The following CADM1 variants were observed in gnomAD, a reference collection of about 807,000 sequenced individuals.
CADM1 encodes the protein TSLC-1.
CADM1 carries 15 observed loss-of-function variants against 53.1 expected under a neutral mutation model. That is an observed-to-expected ratio of 0.28 (90% confidence interval 0.19 to 0.44). CADM1 has a LOEUF of 0.44. CADM1 is among the 20% of genes least tolerant of loss of function. The probability of loss-of-function intolerance (pLI) is 1.00; values close to 1 mark genes in which losing one functional copy is unlikely to be tolerated. For missense variants in CADM1, 434 were observed against 611.3 expected (o/e 0.71, Z 3.06); for synonymous variants, 281 against 243.0 (o/e 1.16, Z -1.45).
rs1218019274 is a variant in CADM1 at position 115,212,963 on chromosome 11, C to T, written c.994+1645G>A. ...ATTCAAATATATCTGTCCATCAAAC[C>T]CACAAAATGTTTCTTCTCTTGAAAT... On this transcript the variant is annotated intron_variant, in intron 7 of 11. Coordinates refer to ENST00000331581, the MANE Select transcript of CADM1 (RefSeq NM_001301043.2). Among the ~76,000 whole-genome samples the T allele has an allele frequency of 2.0e-5, 3 of 152,182 alleles. No homozygotes were observed. In the East Asian group the frequency reaches 5.8e-4, roughly 29 times the overall value.
At chr11:115,443,298 TCAC>T (rs898989215) in intron 1 of CADM1, among the ~76,000 whole-genome samples, 10 of 152,208 alleles carry the variant, frequency 6.6e-5, no homozygotes, top group African/African-American at 2.4e-4. Flanking sequence ...ACCATCATTC[TCAC>T]CACCACTCTC....
intron 1 of CADM1, among the ~76,000 whole-genome samples, chr11:115,499,128 C>A (rs1459911879): frequency 2.0e-5 from 3 of 151,944 alleles, no homozygotes; most frequent in Non-Finnish European, 4.4e-5. Flanking sequence ...AAATTCTCAG[C>A]TTTTTCTTGG....
intron 1 of CADM1, among the ~76,000 whole-genome samples, chr11:115,490,358 A>C (rs1949465574): frequency 6.6e-6 from 1 of 151,650 alleles, no homozygotes; most frequent in African/African-American, 2.4e-5. Flanking sequence ...TCAGAATAGG[A>C]AACATGGAAT....
intron 1 of CADM1, among the ~76,000 whole-genome samples, chr11:115,367,140 G>A (rs1003158285): frequency 4.6e-5 from 7 of 152,222 alleles, no homozygotes; most frequent in Admixed American, 1.3e-4. Context: ...CATGAGCCCC[G>A]GAGTTCGAGG....
intron 1 of CADM1, among the ~76,000 whole-genome samples, chr11:115,351,813 C>T (rs1004314431): frequency 2.6e-5 from 4 of 152,116 alleles, no homozygotes; most frequent in Admixed American, 6.6e-5. Context: ...TGGAATTGGA[C>T]GGCCTCTTCC....
chr11:115,232,473 A>G (rs10458969), intron 3 of CADM1, among the ~76,000 whole-genome samples: 128,206 of 152,194 alleles, frequency 0.84, 54,116 homozygotes, highest in African/African-American at 0.87. Context: ...CCAGTGCTCC[A>G]ATTTTGGAAA....
intron 1 of CADM1, among the ~76,000 whole-genome samples, chr11:115,269,312 G>C (rs1224060682): frequency 6.6e-6 from 1 of 152,138 alleles, no homozygotes; most frequent in Non-Finnish European, 1.5e-5. Flanking sequence ...CGACCTGAGA[G>C]AGTCTGCTGT....
intron 1 of CADM1, among the ~76,000 whole-genome samples, chr11:115,479,069 A>T (rs571716230): frequency 3.0e-4 from 45 of 152,212 alleles, no homozygotes; most frequent in African/African-American, 1.1e-3. Flanking sequence ...AATACAATAA[A>T]CGTATAAAAA....
intron 1 of CADM1, among the ~76,000 whole-genome samples, chr11:115,416,094 T>C (rs1947589764): frequency 6.6e-6 from 1 of 152,250 alleles, no homozygotes; most frequent in African/African-American, 2.4e-5. Flanking sequence ...ATGTCTGGCA[T>C]GCAGTTTAAA....
intron 10 of CADM1, among the ~76,000 whole-genome samples, chr11:115,181,349 T>A (rs925240753): frequency 2.6e-5 from 4 of 152,208 alleles, no homozygotes; most frequent in Admixed American, 2.6e-4. Context: ...TTGCTATTTT[T>A]CCCTGCACTT....
chr11:115,465,370 C>T (rs1451307939), intron 1 of CADM1, among the ~76,000 whole-genome samples: 1 of 152,094 alleles, frequency 6.6e-6, no homozygotes, highest in Non-Finnish European at 1.5e-5. Flanking sequence ...TTCTAGATAG[C>T]TCTGTTCTGA....
intron 1 of CADM1, among the ~76,000 whole-genome samples, chr11:115,459,908 C>G (rs1396848695): frequency 6.6e-6 from 1 of 152,154 alleles, no homozygotes; most frequent in East Asian, 1.9e-4. Flanking sequence ...ATACTCAGGC[C>G]AGACTACTTC....
chr11:115,214,086 T>C (rs1941076214), intron 7 of CADM1, among the ~76,000 whole-genome samples: 1 of 152,218 alleles, frequency 6.6e-6, no homozygotes, highest in Non-Finnish European at 1.5e-5. Context: ...AAAAAGCTTT[T>C]GTTCTGAAGC....
At chr11:115,177,830 C>A (rs945652859) in intron 11 of CADM1, among the ~76,000 whole-genome samples, 1 of 152,166 alleles carries the variant, frequency 6.6e-6, no homozygotes, top group African/African-American at 2.4e-5. Flanking sequence ...CCTTAGACCT[C>A]CACTGCTGTG....
rs746554513 is a variant in CADM1, at chr11:115,176,252, TAAAC to T, written c.*218_*221del. 255 of 1,305,540 alleles carry T rather than the reference TAAAC, an allele frequency of 2.0e-4. 2 individuals are homozygous for T. Among genetic ancestry groups the T allele is most frequent in the Middle Eastern group, 9.3e-4 (3 of 3,222 alleles). The allele number at this position is 1,305,540 out of a possible 1,614,324, so 80.9% of individuals were successfully genotyped here. ...TGACTTGGTAGGAAGAAATAAAAAT[TAAAC>T]AAACAAACAAACGAAAAAAGAGGTG... On this transcript the variant is annotated 3_prime_UTR_variant, in exon 12 of 12. Coordinates refer to ENST00000331581, the MANE Select transcript of CADM1 (RefSeq NM_001301043.2).
chr11:115,275,595 C>A (rs1048861498), intron 1 of CADM1, among the ~76,000 whole-genome samples: 1 of 152,080 alleles, frequency 6.6e-6, no homozygotes, highest in Admixed American at 6.5e-5. Context: ...CTCTTTAATT[C>A]TACTCTTGTA....
intron 1 of CADM1, among the ~76,000 whole-genome samples, chr11:115,332,680 G>A (rs1159362041): frequency 6.6e-6 from 1 of 152,108 alleles, no homozygotes; most frequent in African/African-American, 2.4e-5. Flanking sequence ...GATTATAGGG[G>A]AGTACCCTTA....
chr11:115,336,350 A>G (rs963153841), intron 1 of CADM1, among the ~76,000 whole-genome samples: 19 of 152,140 alleles, frequency 1.2e-4, no homozygotes, highest in African/African-American at 4.3e-4. Context: ...CGATCCCTCA[A>G]AAGGAATTTG....
intron 1 of CADM1, among the ~76,000 whole-genome samples, chr11:115,365,065 G>A (rs150368343): frequency 1.5e-3 from 225 of 152,210 alleles, no homozygotes; most frequent in African/African-American, 5.0e-3. Context: ...TGATGTGAAG[G>A]GCATTCTGCA....
Sources: allele counts gnomAD v4.1 joint callset (sites outside exome capture counted in the v4.1 genomes callset), GRCh38; gene constraint gnomAD v4.1.1; transcripts MANE v1.5; gene names NCBI Gene and HGNC (gene_info 2026-07-23, HGNC 2026-07-21).